ALS2: variants seen among roughly 807,000 people sequenced by gnomAD.
ALS2 encodes the protein alsin Rho guanine nucleotide exchange factor ALS2, also known as alsin.
A neutral mutation model predicts 203.4 loss-of-function variants in ALS2; 117 were observed. The observed-to-expected ratio is 0.58, with a 90% confidence interval of 0.50 to 0.67. The LOEUF (loss-of-function observed/expected upper bound fraction) is 0.67. ALS2 is among the 30% of genes least tolerant of loss of function. The pLI, the probability that ALS2 is intolerant of heterozygous loss-of-function variation, is 0.00. For synonymous variants in ALS2, 718 were observed against 725.9 expected (o/e 0.99, Z 0.17); for missense variants, 1,715 against 1,989.4 (o/e 0.86, Z 2.62).
chr2:201,752,504 G>A (rs1042797337), intron 7 of ALS2, among the ~76,000 whole-genome samples: 6 of 151,746 alleles, frequency 4.0e-5, no homozygotes, highest in Admixed American at 6.6e-5. Context: ...TACAAGTTAT[G>A]TTAGTTTTTT....
rs1574820182 is a variant in ALS2, at chr2:201,780,501, G to C, written c.-61+376C>G. On this transcript the variant is annotated intron_variant, in intron 1 of 33. Transcript: ENST00000264276. ...TTTATCAGCTCAGCGCCTAGTGTGG[G>C]CATTCAAGAAATTCTCGTGAATGAA... Among the ~76,000 whole-genome samples the C allele has an allele frequency of 2.6e-5, 4 of 152,338 alleles. No individual in the cohort carries two copies. In the East Asian group the frequency reaches 5.8e-4, roughly 22 times the overall value.
Position 201,704,496 on chromosome 2 carries a change from T to A in ALS2, c.4796A>T (p.Asp1599Val). 1 of 1,614,100 alleles carries A rather than the reference T, an allele frequency of 6.2e-7. No individual in the cohort carries two copies. Among genetic ancestry groups the A allele is most frequent in the South Asian group, 1.1e-5 (1 of 91,082 alleles). ...SLHEDFLWSMDDLFPVFLYVV... is the reference protein window; with the variant it reads ...SLHEDFLWSMVDLFPVFLYVV... ...ATATAAGAAAACAGGAAACAAGTCA[T>A]CCATGGACCACAAGAAGTCTTCGTG... is the stretch of plus-strand genomic sequence containing the variant. The change falls in exon 32 of 34, where the codon GAT (aspartate) becomes GTT (valine). Residue 1599 changes from aspartate to valine, a missense_variant. Physicochemically the swap from Asp to Val is radical, Grantham distance 152. Transcript: ENST00000264276.
At chr2:201,728,425 T>C (rs1691332040) in intron 15 of ALS2, 87 bp downstream of exon 15, 3 of 1,544,840 alleles carry the variant, frequency 1.9e-6, no homozygotes. Context: ...AAAATCACAC[T>C]AGTTTTGAAC....
chr2:201,727,573 TGA>T (rs1447933216), intron 16 of ALS2, 130 bp downstream of exon 16: 1 of 807,514 alleles, frequency 1.2e-6, no homozygotes, highest in East Asian at 2.7e-5. Flanking sequence ...TCTAATGTGC[TGA>T]GAGGTGGGCC....
chr2:201,728,835 A>G (rs2106012052), intron 14 of ALS2, among the ~76,000 whole-genome samples, 195 bp from the exon 15 acceptor site: 1 of 127,404 alleles, frequency 7.8e-6, no homozygotes, highest in African/African-American at 2.7e-5. Flanking sequence ...AAGAAGACAA[A>G]AACAAACTAA....
In ALS2 at chr2:201,757,520, T is replaced by G. The variant is rs180767792; in HGVS notation, c.1353A>C (p.Glu451Asp). ...IGPEGLKDSREEQVKQESMQG... is the reference protein window; with the variant it reads ...IGPEGLKDSRDEQVKQESMQG... ...GCATTGATTCCTGTTTAACCTGTTC[T>G]TCCCTGCTATCTTTCAAACCTTCGG... Residue 451 changes from glutamate (E) to aspartate (D), a missense_variant, in exon 5 of 34, where the codon GAA (glutamate) becomes GAC (aspartate). Coordinates refer to ENST00000264276, the MANE Select transcript of ALS2 (RefSeq NM_020919.4). The G allele has an allele frequency of 6.2e-7, 1 of 1,614,136 alleles. No individual in the cohort carries two copies. The highest frequency in any genetic ancestry group is 8.5e-7 in the Non-Finnish European group (1 of 1,179,990).
intron 25 of ALS2, among the ~76,000 whole-genome samples, chr2:201,713,142 T>TC (rs1247335226): frequency 6.7e-6 from 1 of 148,242 alleles, no homozygotes; most frequent in Non-Finnish European, 1.5e-5. Flanking sequence ...TCTTTTTTTT[T>TC]TTTTTTTTTT....
In ALS2 at chr2:201,704,664, G is replaced by A. The variant is rs192324626; in HGVS notation, c.4689-61C>T. ...ATTTTCTTAATAAAGCCATTTGATC[G>A]TGCTTTTTTGACAATATTCCCTCCT... On this transcript the variant is annotated intron_variant, in intron 31 of 33. Coordinates refer to ENST00000264276, the MANE Select transcript of ALS2 (RefSeq NM_020919.4). 2.1e-4 allele frequency: 339 copies of A among 1,590,818 alleles called. No individual in the cohort carries two copies. The African/African-American group carries it at 4.1e-3, about 19-fold the overall frequency.
chr2:201,726,435 G>T (rs1280412865), intron 19 of ALS2, 49 bp downstream of exon 19: 2 of 1,471,622 alleles, frequency 1.4e-6, no homozygotes, highest in Admixed American at 1.7e-5. Context: ...CATAATTTAC[G>T]ACCTTACCGA....
At chr2:201,702,574 T>C (rs1485229674) in intron 33 of ALS2, among the ~76,000 whole-genome samples, 1 of 152,212 alleles carries the variant, frequency 6.6e-6, no homozygotes, top group Non-Finnish European at 1.5e-5. Flanking sequence ...GACTTCACTA[T>C]AACCCCATCA....
rs78117864 is a variant in ALS2, at chr2:201,722,860, C to A, written c.3702+183G>T. The A allele has an allele frequency of 0.077, 45,575 of 591,890 alleles. 2,120 individuals are homozygous for A. The highest frequency in any genetic ancestry group is 0.14 in the African/African-American group (7,443 of 53,612). The allele number at this position is 591,890 out of a possible 1,614,324, so 36.7% of individuals were successfully genotyped here. A position where few individuals can be genotyped will look rare whatever the true frequency, so the allele number is the denominator to read the frequency against. Reference sequence around the variant, plus strand: ...AATGAGCAGAAGGGATTTTCTTGGGCGATGGAAATGTTCTGAAACTGGATT... The same window carrying A: ...AATGAGCAGAAGGGATTTTCTTGGGAGATGGAAATGTTCTGAAACTGGATT... On this transcript the variant is annotated intron_variant, in intron 23 of 33. Coordinates refer to ENST00000264276, the MANE Select transcript of ALS2 (RefSeq NM_020919.4).
chr2:201,711,612 C>T (rs1029089039), intron 25 of ALS2, among the ~76,000 whole-genome samples: 1 of 152,084 alleles, frequency 6.6e-6, no homozygotes, highest in Non-Finnish European at 1.5e-5. Flanking sequence ...GATAATGACA[C>T]TCCAACAGGT....
intron 1 of ALS2, chr2:201,778,575 T>C (rs1036590902): frequency 3.9e-5 from 6 of 151,902 alleles, no homozygotes; most frequent in African/African-American, 1.2e-4. Flanking sequence ...AAGCCAGAGA[T>C]TGTTGCTATT....
At chr2:201,773,628 T>C (rs531626430) in intron 1 of ALS2, among the ~76,000 whole-genome samples, 24 of 152,356 alleles carry the variant, frequency 1.6e-4, no homozygotes, top group African/African-American at 5.8e-4. Flanking sequence ...TAGCTGAATA[T>C]ATGAACATGG....
chr2:201,713,239 C>T (rs1049286057), intron 25 of ALS2, among the ~76,000 whole-genome samples: 9 of 148,176 alleles, frequency 6.1e-5, no homozygotes, highest in African/African-American at 2.2e-4. Flanking sequence ...CGAGTTCCAG[C>T]GATTCTCCTG....
intron 16 of ALS2, 73 bp downstream of exon 16, chr2:201,727,632 T>C (rs1208440059): frequency 2.9e-6 from 4 of 1,377,680 alleles, no homozygotes; most frequent in Non-Finnish European, 4.0e-6. Flanking sequence ...TCCTGAGCTT[T>C]TTTTCACATT....
At chr2:201,769,052 A>C in intron 1 of ALS2, 107 bp from the exon 2 acceptor site, 1 of 580,496 alleles carries the variant, frequency 1.7e-6, no homozygotes, top group Non-Finnish European at 3.0e-6. Context: ...CTAGGAAATA[A>C]ATATGCAGTA....
chr2:201,721,403 C>T (rs1257433571), intron 23 of ALS2, among the ~76,000 whole-genome samples: 1 of 152,168 alleles, frequency 6.6e-6, no homozygotes, highest in East Asian at 1.9e-4. Flanking sequence ...TTCCTGATTT[C>T]ACAACTTACT....
At position 201,726,761 on chromosome 2, in the gene ALS2, G is replaced by A. The variant is rs377400784; in HGVS notation, c.3085C>T (p.Pro1029Ser). 8 of 1,614,148 alleles carry A rather than the reference G, an allele frequency of 5.0e-6. No individual in the cohort carries two copies. Among genetic ancestry groups the A allele is most frequent in the Non-Finnish European group, 5.9e-6 (7 of 1,180,024 alleles). ...SGSSVQRQEP[P>S]ISRSAKYTFY... ...GTATATTTGGCACTGCGTGAAATGG[G>A]TGGTTCCTGTCTCTGAACACTGCTA... Residue 1029 changes from proline to serine, a missense_variant, in exon 18 of 34, where the codon CCC becomes TCC. This residue lies in a region of ALS2 where 1,227 missense variants were observed against 1,413.5 expected (regional missense o/e 0.87). Transcript: ENST00000264276.
Sources: allele counts gnomAD v4.1 joint callset (sites outside exome capture counted in the v4.1 genomes callset), GRCh38; gene constraint gnomAD v4.1.1; regional missense constraint gnomAD v4.1.1; transcripts MANE v1.5; gene names NCBI Gene and HGNC (gene_info 2026-07-23, HGNC 2026-07-21).